The following CDK19 variants were observed in gnomAD, a reference collection of about 807,000 sequenced individuals.
CDK19 encodes cyclin-dependent kinase 19.
Under a neutral mutation model 68.3 loss-of-function variants are expected in CDK19, and 20 were observed. The observed-to-expected ratio is 0.29, with a 90% confidence interval of 0.21 to 0.43. The LOEUF (loss-of-function observed/expected upper bound fraction) is 0.43. CDK19 is among the 20% of genes least tolerant of loss of function. The pLI, the probability that CDK19 is intolerant of heterozygous loss-of-function variation, is 1.00. For missense variants in CDK19, 339 were observed against 623.5 expected (o/e 0.54, Z 4.86); for synonymous variants, 221 against 222.8 (o/e 0.99, Z 0.07).
chr6:110,681,203 G>A (rs1016596008), intron 2 of CDK19, among the ~76,000 whole-genome samples: 13 of 151,464 alleles, frequency 8.6e-5, no homozygotes, highest in South Asian at 8.4e-4. Flanking sequence ...AAAATCAGCC[G>A]AGCGTGGTAC....
chr6:110,692,606 AT>A (rs1773104700), intron 2 of CDK19, among the ~76,000 whole-genome samples: 1 of 152,234 alleles, frequency 6.6e-6, no homozygotes, highest in African/African-American at 2.4e-5. Context: ...TTGGCTAGAG[AT>A]TTAGATATAC....
intron 4 of CDK19, among the ~76,000 whole-genome samples, chr6:110,647,592 A>T (rs1379016398): frequency 2.6e-5 from 4 of 152,338 alleles, no homozygotes; most frequent in African/African-American, 9.6e-5. Flanking sequence ...CTACAAATTG[A>T]TTCACAATGA....
At chr6:110,703,163 G>A (rs141382306) in intron 2 of CDK19, among the ~76,000 whole-genome samples, 176 of 151,848 alleles carry the variant, frequency 1.2e-3, no homozygotes, top group African/African-American at 4.0e-3. Flanking sequence ...CCCTACCCCC[G>A]GCAAGTGAAA....
intron 2 of CDK19, among the ~76,000 whole-genome samples, chr6:110,735,734 T>C (rs769207174): frequency 6.6e-4 from 100 of 152,350 alleles, no homozygotes; most frequent in Non-Finnish European, 8.7e-4. Flanking sequence ...AACTCATCCA[T>C]ATTGTAATCC....
intron 2 of CDK19, among the ~76,000 whole-genome samples, chr6:110,690,550 C>T (rs1772898029): frequency 2.0e-5 from 3 of 152,212 alleles, no homozygotes; most frequent in African/African-American, 7.2e-5. Flanking sequence ...GACACCTCCC[C>T]TACTGGCCTG....
intron 4 of CDK19, chr6:110,645,605 T>G (rs1780505498): frequency 8.5e-6 from 2 of 235,362 alleles, no homozygotes; most frequent in South Asian, 5.9e-5. Context: ...CAGATGCACA[T>G]CATCCTCGGT....
chr6:110,780,196 C>T (rs1348051996), intron 1 of CDK19, among the ~76,000 whole-genome samples: 4 of 147,844 alleles, frequency 2.7e-5, no homozygotes, highest in Non-Finnish European at 1.5e-5. Context: ...CCAGCCTGGG[C>T]GACGGAGTGA....
In CDK19 at chr6:110,688,699, G is replaced by A. The variant is rs566402180; in HGVS notation, c.205-18158C>T. On this transcript the variant is annotated intron_variant, in intron 2 of 12. Transcript: ENST00000368911. ...CAGGAGCTGATTTAGGGAGTGGTGA[G>A]GAATAGAAAGGTAGGAGCAGCAGTG... 2.6e-5 allele frequency among the ~76,000 whole-genome samples: 4 copies of A among 152,272 alleles called. No homozygotes were observed. The East Asian group carries it at 7.7e-4, about 29-fold the overall frequency.
Position 110,652,703 on chromosome 6 carries a change from C to A in CDK19, c.457-13997G>T, listed in dbSNP as rs965390507. ...AGCTATCTCTTGATAGAAGTTCTTG[C>A]AGTCACACTATGTCGAAACAGAGAA... On this transcript the variant is annotated intron_variant, in intron 4 of 12. Transcript: ENST00000368911. Among the ~76,000 whole-genome samples, 3 of 152,282 alleles carry A rather than the reference C, an allele frequency of 2.0e-5. No homozygotes were observed. In the East Asian group the frequency reaches 5.8e-4, roughly 29 times the overall value.
intron 1 of CDK19, among the ~76,000 whole-genome samples, chr6:110,806,366 C>A (rs1274534399): frequency 6.6e-6 from 1 of 151,500 alleles, no homozygotes; most frequent in Non-Finnish European, 1.5e-5. Flanking sequence ...TTATTATTGT[C>A]TTAACATTTC....
At chr6:110,742,558 G>A (rs969746924) in intron 2 of CDK19, among the ~76,000 whole-genome samples, 3 of 152,134 alleles carry the variant, frequency 2.0e-5, no homozygotes, top group South Asian at 2.1e-4. Flanking sequence ...GCCTATAAAC[G>A]GACGTGCAAG....
chr6:110,661,514 C>A (rs776720179), intron 4 of CDK19, among the ~76,000 whole-genome samples: 13 of 152,112 alleles, frequency 8.5e-5, no homozygotes, highest in Non-Finnish European at 1.6e-4. Context: ...TTCACAGATA[C>A]AAACAGCGCA....
At chr6:110,628,249 A>C (rs571864005) in intron 6 of CDK19, among the ~76,000 whole-genome samples, 3 of 152,280 alleles carry the variant, frequency 2.0e-5, no homozygotes, top group South Asian at 2.1e-4. Flanking sequence ...AGCATAAAAA[A>C]GTACTGTGTT....
At chr6:110,635,535 A>G (rs911041888) in intron 5 of CDK19, among the ~76,000 whole-genome samples, 1 of 151,390 alleles carries the variant, frequency 6.6e-6, no homozygotes, top group African/African-American at 2.4e-5. Flanking sequence ...TTTCTTACCC[A>G]CTCCCCCTCC....
chr6:110,688,901 C>T (rs942378030), intron 2 of CDK19, among the ~76,000 whole-genome samples: 7 of 152,152 alleles, frequency 4.6e-5, no homozygotes, highest in African/African-American at 1.7e-4. Flanking sequence ...CAGAACTAGG[C>T]GACGAGTGGG....
intron 2 of CDK19, among the ~76,000 whole-genome samples, chr6:110,728,105 T>C (rs1426045405): frequency 6.6e-6 from 1 of 151,770 alleles, no homozygotes; most frequent in Non-Finnish European, 1.5e-5. Context: ...CTGAGCAACA[T>C]GGTGAAACCC....
intron 1 of CDK19, chr6:110,814,191 CCA>C (rs1783368088): frequency 8.5e-6 from 2 of 235,194 alleles, no homozygotes; most frequent in Non-Finnish European, 1.7e-5. Flanking sequence ...TATAGGTACT[CCA>C]TAAGCCCCAG....
chr6:110,802,674 A>G (rs1250163245), intron 1 of CDK19, among the ~76,000 whole-genome samples: 1 of 152,240 alleles, frequency 6.6e-6, no homozygotes, highest in East Asian at 1.9e-4. Context: ...CTGCACATGT[A>G]TCCCCAAATC....
At chr6:110,668,503 G>A (rs1782086251) in intron 3 of CDK19, among the ~76,000 whole-genome samples, 1 of 152,028 alleles carries the variant, frequency 6.6e-6, no homozygotes, top group African/African-American at 2.4e-5. Flanking sequence ...AATATACTGG[G>A]AGCCACATGT....
Sources: allele counts gnomAD v4.1 joint callset (sites outside exome capture counted in the v4.1 genomes callset), GRCh38; gene constraint gnomAD v4.1.1; transcripts MANE v1.5; gene names NCBI Gene and HGNC (gene_info 2026-07-23, HGNC 2026-07-21).